ST8SIA1: variants seen among roughly 807,000 people sequenced by gnomAD.
ST8SIA1 encodes the protein alpha-N-acetylneuraminide alpha-2,8-sialyltransferase.
In ST8SIA1, 16 loss-of-function variants were observed where a neutral mutation model predicts 35.9. The observed-to-expected ratio is 0.45, with a 90% confidence interval of 0.30 to 0.68. The LOEUF (loss-of-function observed/expected upper bound fraction) is 0.68, where lower values mean the gene tolerates loss of function less well. Ranked by LOEUF, ST8SIA1 falls within the 30% of genes least tolerant of loss-of-function variation. The pLI, the probability that ST8SIA1 is intolerant of heterozygous loss-of-function variation, is 0.09. For synonymous variants in ST8SIA1, 170 were observed against 169.6 expected, an observed-to-expected ratio of 1.00 and a Z score of -0.02; for missense variants, 383 against 453.6, an observed-to-expected ratio of 0.84 and a Z score of 1.41.
intron 4 of ST8SIA1, among the ~76,000 whole-genome samples, chr12:22,217,755 C>T (rs2120653282): frequency 6.6e-6 from 1 of 152,272 alleles, no homozygotes; most frequent in Non-Finnish European, 1.5e-5. Context: ...TCATCATTAT[C>T]ATCATCATCA....
At chr12:22,223,550 G>A (rs1323655668) in intron 4 of ST8SIA1, 1 of 1,047,956 alleles carries the variant, frequency 9.5e-7, no homozygotes, top group Admixed American at 6.0e-5. Context: ...TGGGTTAAAT[G>A]AGGAGACAGG....
intron 4 of ST8SIA1, among the ~76,000 whole-genome samples, chr12:22,231,589 T>C (rs564554089): frequency 2.6e-5 from 4 of 152,222 alleles, no homozygotes; most frequent in African/African-American, 9.6e-5. Context: ...TTATTTTTTT[T>C]TTGAGATGGA....
chr12:22,330,473 C>T (rs74068569), intron 1 of ST8SIA1, among the ~76,000 whole-genome samples: 2,164 of 152,254 alleles, frequency 0.014, 67 homozygotes, highest in African/African-American at 0.05. Context: ...AGGGATACAG[C>T]CAGAATTCCA....
In ST8SIA1 at chr12:22,287,188, T is replaced by A. The variant is rs1352345409; in HGVS notation, c.342A>T (p.Ser114=). 3.1e-6 allele frequency: 5 copies of A among 1,613,972 alleles called. No individual in the cohort carries two copies. The Admixed American group carries it at 8.3e-5, about 27-fold the overall frequency. Residue 114 remains serine, a synonymous_variant, in exon 2 of 5, where the codon TCA becomes TCT. Coordinates refer to ENST00000396037, the MANE Select transcript of ST8SIA1 (RefSeq NM_003034.4). ...SMWYDGEFLY[S]FTIDNSTYSL... ...AGTAAGTTGAATTGTCAATGGTGAA[T>A]GAGTATAAAAACTCCCCGTCATACC...
chr12:22,288,605 C>T (rs1466732189), intron 1 of ST8SIA1, among the ~76,000 whole-genome samples: 1 of 152,138 alleles, frequency 6.6e-6, no homozygotes, highest in African/African-American at 2.4e-5. Context: ...CTGTGCCTCC[C>T]CTTGCACTCT....
At chr12:22,269,817 C>A (rs925961045) in intron 2 of ST8SIA1, among the ~76,000 whole-genome samples, 2 of 152,146 alleles carry the variant, frequency 1.3e-5, no homozygotes, top group African/African-American at 4.8e-5. Context: ...ATCACTAACC[C>A]ATTCCATATA....
chr12:22,282,826 A>G (rs1054699658), intron 2 of ST8SIA1, among the ~76,000 whole-genome samples: 1 of 152,290 alleles, frequency 6.6e-6, no homozygotes, highest in African/African-American at 2.4e-5. Context: ...CCAAAAAGAT[A>G]TATGTCACGG....
At chr12:22,209,471 G>T (rs1054580543) in intron 4 of ST8SIA1, among the ~76,000 whole-genome samples, 2 of 152,170 alleles carry the variant, frequency 1.3e-5, no homozygotes, top group African/African-American at 2.4e-5. Flanking sequence ...CATCTGACTG[G>T]TGCAAATTAA....
rs1483910405 is a variant in ST8SIA1 at position 22,253,639 on chromosome 12, C to CAT, written c.491+1639_491+1640dup. On this transcript the variant is annotated intron_variant, in intron 3 of 4. Coordinates refer to ENST00000396037, the MANE Select transcript of ST8SIA1 (RefSeq NM_003034.4). The stretch of plus-strand genomic sequence containing the variant: ...CCATTCCCAGAGCCAGCTCAAGGCC[C>CAT]ATATGTCATGGGTGCTCAATGAGCA... 2.6e-5 allele frequency among the ~76,000 whole-genome samples: 4 copies of CAT among 152,268 alleles called. 1 individual carries two copies. Among genetic ancestry groups the CAT allele is most frequent in the Middle Eastern group, 6.8e-3 (2 of 294 alleles).
intron 4 of ST8SIA1, among the ~76,000 whole-genome samples, chr12:22,218,908 T>C (rs1387240676): frequency 6.6e-6 from 1 of 152,074 alleles, no homozygotes; most frequent in Non-Finnish European, 1.5e-5. Flanking sequence ...GTGAATTTCA[T>C]GTTCTTTGTC....
intron 2 of ST8SIA1, among the ~76,000 whole-genome samples, chr12:22,257,811 G>T (rs1365076309): frequency 6.6e-6 from 1 of 152,042 alleles, no homozygotes; most frequent in Non-Finnish European, 1.5e-5. Context: ...GTATTGTAAA[G>T]ACATAGGTTT....
intron 1 of ST8SIA1, among the ~76,000 whole-genome samples, chr12:22,311,610 T>C (rs556589327): frequency 6.6e-6 from 1 of 152,288 alleles, no homozygotes; most frequent in Non-Finnish European, 1.5e-5. Flanking sequence ...TGTTAACATA[T>C]AAAGGCTTCA....
At chr12:22,330,945 TA>T (rs1480365129) in intron 1 of ST8SIA1, among the ~76,000 whole-genome samples, 2 of 152,230 alleles carry the variant, frequency 1.3e-5, no homozygotes, top group Non-Finnish European at 2.9e-5. Flanking sequence ...AAAGTTTCTA[TA>T]ATAGGATCTA....
intron 2 of ST8SIA1, among the ~76,000 whole-genome samples, chr12:22,269,471 T>C (rs1865886376): frequency 6.6e-6 from 1 of 152,186 alleles, no homozygotes; most frequent in Non-Finnish European, 1.5e-5. Context: ...ATGAATACTA[T>C]TGTAATGTGT....
chr12:22,273,062 T>C (rs1199076519), intron 2 of ST8SIA1, among the ~76,000 whole-genome samples: 2 of 152,172 alleles, frequency 1.3e-5, no homozygotes, highest in East Asian at 1.9e-4. Context: ...GGCTTCAGTC[T>C]GGGACAGTTA....
chr12:22,214,524 A>C (rs1490985489), intron 4 of ST8SIA1, among the ~76,000 whole-genome samples: 1 of 63,432 alleles, frequency 1.6e-5, no homozygotes, highest in Non-Finnish European at 3.5e-5. Flanking sequence ...CAAGTTAAAA[A>C]GAAAAAAAAT....
chr12:22,204,964 C>G (rs1050639646), intron 4 of ST8SIA1, among the ~76,000 whole-genome samples: 6 of 152,148 alleles, frequency 3.9e-5, no homozygotes, highest in Non-Finnish European at 7.4e-5. Flanking sequence ...CTCAGCTACT[C>G]CTCATGTCCT....
At chr12:22,264,469 G>A (rs1019501368) in intron 2 of ST8SIA1, among the ~76,000 whole-genome samples, 2 of 152,136 alleles carry the variant, frequency 1.3e-5, no homozygotes, top group African/African-American at 4.8e-5. Context: ...CAAATCAAAA[G>A]CAGTTTTGGT....
At chr12:22,231,382 T>C (rs1865418750) in intron 4 of ST8SIA1, among the ~76,000 whole-genome samples, 1 of 151,468 alleles carries the variant, frequency 6.6e-6, no homozygotes, top group Admixed American at 6.6e-5. Flanking sequence ...AATAAGCTTT[T>C]TTTTTTCTGA....
Sources: gnomAD v4.1 joint callset for allele counts (sites outside exome capture counted in the v4.1 genomes callset) on GRCh38, gnomAD v4.1.1 for gene constraint, MANE v1.5 for transcripts, NCBI Gene and HGNC (gene_info 2026-07-23, HGNC 2026-07-21) for gene names.